Variants in SP140 observed in about 807,000 individuals in gnomAD.
SP140 encodes the protein SP140 nuclear body protein, also known as nuclear body protein SP140.
A neutral mutation model predicts 125.0 loss-of-function variants in SP140; 81 were observed. That is an observed-to-expected ratio of 0.65 (90% CI 0.54 to 0.78). SP140 has a LOEUF of 0.78. SP140 is among the 30% of genes least tolerant of loss of function. SP140 has a pLI of 0.00. For missense variants in SP140, 858 were observed against 1,037.0 expected (o/e 0.83, Z 2.37); for synonymous variants, 312 against 354.0 (o/e 0.88, Z 1.33).
intron 17 of SP140, among the ~76,000 whole-genome samples, chr2:230,286,757 G>A (rs1439424362): frequency 6.6e-6 from 1 of 152,156 alleles, no homozygotes; most frequent in Non-Finnish European, 1.5e-5. Context: ...GGATGCGGGT[G>A]CTCAACTCAA....
At chr2:230,208,193 C>T in intron 1 of SP140, 2 of 638,230 alleles carry the variant, frequency 3.1e-6, no homozygotes, top group South Asian at 1.8e-5. Flanking sequence ...GGTGATGGTA[C>T]TTCAGGGAGT....
At chr2:230,226,848 A>G (rs1359610665) in intron 1 of SP140, among the ~76,000 whole-genome samples, 1 of 152,038 alleles carries the variant, frequency 6.6e-6, no homozygotes, top group Non-Finnish European at 1.5e-5. Context: ...CTAACCAACC[A>G]TGAATGCAAA....
At chr2:230,241,694 T>G (rs2048751122) in intron 4 of SP140, among the ~76,000 whole-genome samples, 1 of 151,612 alleles carries the variant, frequency 6.6e-6, no homozygotes, top group Admixed American at 6.6e-5. Flanking sequence ...ATAGATGGAG[T>G]CTCCATTGGT....
intron 1 of SP140, chr2:230,212,482 G>T: frequency 7.1e-7 from 1 of 1,403,368 alleles, no homozygotes; most frequent in Non-Finnish European, 1.0e-6. Flanking sequence ...ATGTCAGGGA[G>T]AAGAGTGAAT....
At chr2:230,259,758 C>T (rs1231853573) in intron 12 of SP140, among the ~76,000 whole-genome samples, 2 of 78,958 alleles carry the variant, frequency 2.5e-5, no homozygotes, top group African/African-American at 4.3e-5. Context: ...TTTATGGCTG[C>T]GTAGTATTCC....
intron 22 of SP140, among the ~76,000 whole-genome samples, chr2:230,304,645 A>C (rs542383409): frequency 2.0e-5 from 3 of 152,204 alleles, no homozygotes; most frequent in African/African-American, 7.2e-5. Context: ...AGCAAACAAA[A>C]GCATAAAGGG....
upstream of SP140, among the ~76,000 whole-genome samples, chr2:230,221,315 T>C (rs2045801832): frequency 6.6e-6 from 1 of 151,976 alleles, no homozygotes; most frequent in Admixed American, 6.6e-5. Flanking sequence ...TATGTAACTT[T>C]GATTAAATCA....
At chr2:230,260,183 G>A (rs753684013) in intron 12 of SP140, among the ~76,000 whole-genome samples, 1 of 152,108 alleles carries the variant, frequency 6.6e-6, no homozygotes, top group African/African-American at 2.4e-5. Flanking sequence ...GCATTTCCCT[G>A]ATCATTGGTG....
At chr2:230,203,241 C>T (rs187659699) in exon 1 of SP140, 7 of 178,878 alleles carry the variant, frequency 3.9e-5, no homozygotes, top group Admixed American at 2.1e-4. Context: ...GAAGGTGAGG[C>T]TGAGACCCAG....
chr2:230,312,557 C>T, intron 26 of SP140, 29 bp from the exon 27 acceptor site: 1 of 1,437,196 alleles, frequency 7.0e-7, no homozygotes, highest in Non-Finnish European at 9.8e-7. Flanking sequence ...TGATGAGGAG[C>T]ATTGTTTTTG....
In SP140 at chr2:230,312,403, A is replaced by G. The variant is rs185180481; in HGVS notation, c.2506-183A>G. Among the ~76,000 whole-genome samples, 6 of 152,362 alleles carry G rather than the reference A, an allele frequency of 3.9e-5. No individual in the cohort carries two copies. The East Asian group carries it at 9.6e-4, about 24-fold the overall frequency. On this transcript the variant is annotated intron_variant, in intron 26 of 26. Transcript: ENST00000392045. Reference sequence around the variant, plus strand: ...TGAATATGTTAATTAGTTCAATTTAATTATTCCACATAGCAGTCATAAATC... The same window carrying G: ...TGAATATGTTAATTAGTTCAATTTAGTTATTCCACATAGCAGTCATAAATC...
chr2:230,298,175 G>A (rs2057936085), intron 22 of SP140, among the ~76,000 whole-genome samples: 1 of 152,180 alleles, frequency 6.6e-6, no homozygotes, highest in Admixed American at 6.5e-5. Context: ...TTCTCTGCTT[G>A]CTATATGACT....
chr2:230,261,047 A>G (rs1225211524), intron 12 of SP140, among the ~76,000 whole-genome samples: 1 of 152,114 alleles, frequency 6.6e-6, no homozygotes, highest in Non-Finnish European at 1.5e-5. Flanking sequence ...CATTTTCACA[A>G]TATTGATTCT....
chr2:230,214,863 G>T, intron 3 of SP140: 1 of 1,094,768 alleles, frequency 9.1e-7, no homozygotes, highest in South Asian at 1.3e-5. Context: ...GGGGATTAAC[G>T]TGCATATTCC....
chr2:230,254,973 T>C (rs904599062), intron 11 of SP140, among the ~76,000 whole-genome samples: 5 of 152,222 alleles, frequency 3.3e-5, no homozygotes, highest in African/African-American at 9.7e-5. Flanking sequence ...TCTGGTTCAT[T>C]TCCACTATCC....
chr2:230,311,072 G>A, intron 24 of SP140, 82 bp from the exon 25 acceptor site: 2 of 1,607,604 alleles, frequency 1.2e-6, no homozygotes, highest in South Asian at 1.1e-5. Flanking sequence ...AGGAAGAAGG[G>A]TGTGAGTTCT....
chr2:230,306,531 T>C (rs972971164), intron 22 of SP140, among the ~76,000 whole-genome samples: 1 of 152,208 alleles, frequency 6.6e-6, no homozygotes, highest in African/African-American at 2.4e-5. Flanking sequence ...CCCAGTGCTC[T>C]TGGGGGCCCA....
At chr2:230,275,626 A>G (rs1226485615) in intron 15 of SP140, among the ~76,000 whole-genome samples, 3 of 152,160 alleles carry the variant, frequency 2.0e-5, no homozygotes, top group East Asian at 1.9e-4. Flanking sequence ...AATTAAGTCA[A>G]TTAATAATCC....
At chr2:230,291,549 A>G (rs755472978) in intron 19 of SP140, among the ~76,000 whole-genome samples, 14 of 152,290 alleles carry the variant, frequency 9.2e-5, no homozygotes, top group Middle Eastern at 3.4e-3. Flanking sequence ...GCCTTCATTC[A>G]CTAATTGTGA....
Sources: gnomAD v4.1 joint callset for allele counts (sites outside exome capture counted in the v4.1 genomes callset) on GRCh38, gnomAD v4.1.1 for gene constraint, MANE v1.5 for transcripts, NCBI Gene and HGNC (gene_info 2026-07-23, HGNC 2026-07-21) for gene names.